MGAM2: variants seen among roughly 807,000 people sequenced by gnomAD.
The protein encoded by MGAM2 is probable maltase-glucoamylase 2.
MGAM2 carries 98 observed loss-of-function variants against 96.1 expected under a neutral mutation model. The observed-to-expected ratio is 1.02, with a 90% CI of 0.87 to 1.21. The LOEUF (loss-of-function observed/expected upper bound fraction) is 1.21. Among genes scored for constraint, MGAM2 ranks in the 50% most tolerant of loss-of-function variants. MGAM2 has a pLI of 0.00. For missense variants in MGAM2, 2,055 were observed against 1,182.4 expected (o/e 1.74, Z -10.82); for synonymous variants, 749 against 414.8 (o/e 1.81, Z -9.79).
Position 142,159,361 on chromosome 7 carries a change from G to C in MGAM2, c.2220+18G>C. The C allele has an allele frequency of 1.4e-6, 1 of 702,212 alleles. No homozygotes were observed. Among genetic ancestry groups the C allele is most frequent in the Non-Finnish European group, 2.6e-6 (1 of 384,418 alleles). The allele number at this position is 702,212 out of a possible 1,614,324, so 43.5% of individuals were successfully genotyped here. A position where few individuals can be genotyped will look rare whatever the true frequency, so the allele number is the denominator to read the frequency against. On this transcript the variant is annotated intron_variant, in intron 20 of 47. Coordinates refer to ENST00000477922, the MANE Select transcript of MGAM2 (RefSeq NM_001293626.2). ...ATGAGACAGTAAGTAAGGCAGCCCT[G>C]GTTGGCTCACAGACCTGCCTCTAGC... is the stretch of plus-strand genomic sequence containing the variant.
In MGAM2 at chr7:142,186,024, T is replaced by C. The variant is rs1450707365; in HGVS notation, c.4023T>C (p.Phe1341=). The change falls in exon 35 of 48, where the codon TTT becomes TTC. Residue 1341 remains phenylalanine (F), a synonymous_variant. Coordinates refer to ENST00000477922, the MANE Select transcript of MGAM2 (RefSeq NM_001293626.2). ...YRAYVAFPDF[F]RNSTAAWWKK... is the part of the protein sequence containing the mutation. The stretch of plus-strand genomic sequence containing the variant: ...CCTACGTTGCCTTTCCTGACTTCTT[T>C]CGTAATAGCACAGCTGCGTGGTGGA... 1.4e-6 allele frequency: 1 copy of C among 704,024 alleles called. No homozygotes were observed. The highest frequency in any genetic ancestry group is 2.7e-5 in the East Asian group (1 of 37,294). The allele number at this position is 704,024 out of a possible 1,614,324, so 43.6% of individuals were successfully genotyped here. A position where few individuals can be genotyped will look rare whatever the true frequency, so the allele number is the denominator to read the frequency against.
At chr7:142,124,892 G>A (rs1007439476) in intron 3 of MGAM2, among the ~76,000 whole-genome samples, 6 of 151,826 alleles carry the variant, frequency 4.0e-5, no homozygotes, top group Non-Finnish European at 8.8e-5. Flanking sequence ...TACTGATCTT[G>A]TAACTAGAAA....
chr7:142,134,291 G>A (rs964596549), intron 7 of MGAM2, 139 bp downstream of exon 7: 2 of 412,658 alleles, frequency 4.8e-6, no homozygotes, highest in East Asian at 3.5e-5. Context: ...TGTTCTTGAG[G>A]CCTATAAATT....
In MGAM2 at chr7:142,154,838, G is replaced by C. The variant is rs1294510210; in HGVS notation, c.1916G>C (p.Gly639Ala). 1 of 703,308 alleles carries C rather than the reference G, an allele frequency of 1.4e-6. No homozygotes were observed. Among genetic ancestry groups the C allele is most frequent in the East Asian group, 2.7e-5 (1 of 37,288 alleles). 43.6% of individuals were successfully genotyped at this position (703,308 alleles called of 1,614,324 possible). A position where few individuals can be genotyped will look rare whatever the true frequency, so the allele number is the denominator to read the frequency against. ...YPLPRNHNGP[G>A]FRDQDPAAFG... ...CTACCAAGGAATCACAATGGGCCTG[G>C]GTTCAGGGTAAGGTCACCAAAAGAA... The change falls in exon 17 of 48, where the codon GGG becomes GCG. Residue 639 changes from glycine (G) to alanine (A), a missense_variant. By Grantham distance (60) the Gly-to-Ala change is moderately conservative (BLOSUM62 0). Transcript: ENST00000477922.
rs1219786617 is a variant in MGAM2 at position 142,114,210 on chromosome 7, GAA to G, written c.-1+2405_-1+2406del. 5.6e-4 allele frequency among the ~76,000 whole-genome samples: 78 copies of G among 138,932 alleles called. 1 individual carries two copies. Among genetic ancestry groups the G allele is most frequent in the Non-Finnish European group, 7.9e-4 (51 of 64,658 alleles). The allele number at this position is 138,932 out of a possible 152,430, so 91.1% of individuals were successfully genotyped here. A position where few individuals can be genotyped will look rare whatever the true frequency, so the allele number is the denominator to read the frequency against. ...AGAAAGAAAGAAAGAAAGAAAGAAAGAAAGAGAGAAAGAAAGAAAGAAATAGG... is the reference window on the plus strand; with the variant it reads ...AGAAAGAAAGAAAGAAAGAAAGAAAGAGAGAGAAAGAAAGAAAGAAATAGG... On this transcript the variant is annotated intron_variant, in intron 1 of 47. Coordinates refer to ENST00000477922, the MANE Select transcript of MGAM2 (RefSeq NM_001293626.2).
chr7:142,178,083 T>C (rs1796430090), intron 32 of MGAM2, among the ~76,000 whole-genome samples: 1 of 152,180 alleles, frequency 6.6e-6, no homozygotes. Flanking sequence ...ATGGTATCTC[T>C]TTGTGGTTTG....
chr7:142,124,636 T>C (rs986552184), intron 3 of MGAM2, among the ~76,000 whole-genome samples: 40 of 152,184 alleles, frequency 2.6e-4, no homozygotes, highest in Admixed American at 2.6e-3. Flanking sequence ...AGAAATTTTA[T>C]TGTGATTACA....
At chr7:142,115,355 G>A (rs1015183611) in intron 1 of MGAM2, among the ~76,000 whole-genome samples, 2 of 152,246 alleles carry the variant, frequency 1.3e-5, no homozygotes. Flanking sequence ...AGCACAGAAG[G>A]CAGATGTTTG....
At chr7:142,211,919 A>G (rs186018765) in intron 46 of MGAM2, among the ~76,000 whole-genome samples, 42 of 152,356 alleles carry the variant, frequency 2.8e-4, no homozygotes, top group Non-Finnish European at 6.0e-4. Context: ...ATGAAGGAAA[A>G]AATGTTAAGG....
At chr7:142,159,702 A>G (rs540597412) in intron 20 of MGAM2, among the ~76,000 whole-genome samples, 2 of 152,218 alleles carry the variant, frequency 1.3e-5, no homozygotes, top group African/African-American at 4.8e-5. Flanking sequence ...CCACCCCTTA[A>G]TACTATCACT....
intron 2 of MGAM2, among the ~76,000 whole-genome samples, chr7:142,118,765 C>T (rs1050370476): frequency 5.3e-5 from 8 of 151,842 alleles, no homozygotes; most frequent in East Asian, 1.9e-4. Context: ...ACTTTCCCAG[C>T]GATTTATTCA....
chr7:142,203,904 G>A (rs962432483), intron 45 of MGAM2, among the ~76,000 whole-genome samples: 16 of 151,908 alleles, frequency 1.1e-4, no homozygotes, highest in Admixed American at 6.6e-4. Context: ...AGAAGGAAAT[G>A]CTCTTCATGT....
intron 8 of MGAM2, 70 bp downstream of exon 8, chr7:142,136,710 T>A: frequency 1.7e-6 from 1 of 596,958 alleles, no homozygotes; most frequent in Non-Finnish European, 3.0e-6. Flanking sequence ...AAAAAATTAC[T>A]TTTATGGTGA....
chr7:142,196,304 C>A lies in MGAM2; in HGVS notation c.4480+17C>A. On this transcript the variant is annotated intron_variant, in intron 38 of 47. Transcript: ENST00000477922. The stretch of plus-strand genomic sequence containing the variant: ...CTATCATTGGTGTGTGGGCTCATTC[C>A]CAGGGGCCTGTGCTGGCAGGGAGGG... 1.4e-6 allele frequency: 1 copy of A among 721,676 alleles called. No individual in the cohort carries two copies. The highest frequency in any genetic ancestry group is 2.5e-6 in the Non-Finnish European group (1 of 398,444). The allele number at this position is 721,676 out of a possible 1,614,324, so 44.7% of individuals were successfully genotyped here. A position where few individuals can be genotyped will look rare whatever the true frequency, so the allele number is the denominator to read the frequency against.
chr7:142,167,183 T>G, intron 25 of MGAM2, 85 bp from the exon 26 acceptor site: 1 of 609,898 alleles, frequency 1.6e-6, no homozygotes, highest in South Asian at 1.9e-5. Context: ...TATTAGAGAC[T>G]TAGTCTGTGT....
intron 37 of MGAM2, 78 bp downstream of exon 37, chr7:142,189,583 T>G: frequency 1.8e-6 from 1 of 552,892 alleles, no homozygotes; most frequent in African/African-American, 1.9e-5. Context: ...GCATTGTGCA[T>G]GTATCTACGT....
chr7:142,203,331 T>C (rs1797296138), intron 45 of MGAM2, among the ~76,000 whole-genome samples: 1 of 152,126 alleles, frequency 6.6e-6, no homozygotes. Flanking sequence ...TTTGGGGGCT[T>C]AGCCAAAAAT....
intron 22 of MGAM2, among the ~76,000 whole-genome samples, chr7:142,161,747 A>G (rs1795893786): frequency 1.3e-5 from 2 of 152,248 alleles, no homozygotes; most frequent in Non-Finnish European, 2.9e-5. Context: ...AATGTTTTAC[A>G]TGCCAGCGAA....
intron 44 of MGAM2, among the ~76,000 whole-genome samples, 160 bp downstream of exon 44, chr7:142,198,899 G>A (rs575164955): frequency 2.3e-4 from 35 of 152,174 alleles, no homozygotes; most frequent in Non-Finnish European, 4.1e-4. Flanking sequence ...AGTGGGACTC[G>A]GAGGAAGATG....
Sources: allele counts gnomAD v4.1 joint callset (sites outside exome capture counted in the v4.1 genomes callset), GRCh38; gene constraint gnomAD v4.1.1; transcripts MANE v1.5; gene names NCBI Gene and HGNC (gene_info 2026-07-23, HGNC 2026-07-21).